The following CLCA1 variants were observed in gnomAD, a reference collection of about 807,000 sequenced individuals.
CLCA1 encodes the protein chloride channel accessory 1.
Under a neutral mutation model 85.6 loss-of-function variants are expected in CLCA1, and 59 were observed. The observed-to-expected ratio is 0.69, with a 90% CI of 0.56 to 0.86. The LOEUF is 0.86. CLCA1 is among the 40% of genes least tolerant of loss of function. CLCA1 has a pLI of 0.00. For missense variants in CLCA1, 1,022 were observed against 1,101.4 expected (o/e 0.93, Z 1.02); for synonymous variants, 396 against 398.3 (o/e 0.99, Z 0.07).
Position 86,495,567 on chromosome 1 carries a change from G to A in CLCA1, c.2005G>A (p.Gly669Ser), listed in dbSNP as rs1348721955. ...SRYFTTYDTNGRYSVKVRALG... is the reference protein window; with the variant it reads ...SRYFTTYDTNSRYSVKVRALG... Reference sequence around the variant, plus strand: ...GTATTTCACAACTTATGACACGAATGGTAGATACAGTGTAAAAGTGCGGGC... The same window carrying A: ...GTATTTCACAACTTATGACACGAATAGTAGATACAGTGTAAAAGTGCGGGC... Residue 669 changes from glycine (G) to serine (S), a missense_variant, in exon 12 of 14, where the codon GGT becomes AGT. Physicochemically the swap from Gly to Ser is moderately conservative, Grantham distance 56. Transcript: ENST00000394711. 1 of 1,613,856 alleles carries A rather than the reference G, an allele frequency of 6.2e-7. No individual in the cohort carries two copies. The highest frequency in any genetic ancestry group is 2.2e-5 in the East Asian group (1 of 44,898).
chr1:86,495,758 G>A, intron 12 of CLCA1, 83 bp downstream of exon 12: 1 of 1,268,088 alleles, frequency 7.9e-7, no homozygotes, highest in Non-Finnish European at 1.1e-6. Context: ...GGGCAGAATG[G>A]TGCATGATTA....
Position 86,499,996 on chromosome 1 carries a change from TAAAAATTATGTGGAA to T in CLCA1, c.2697_2711del (p.Lys900_Lys904del). The T allele has an allele frequency of 6.2e-7, 1 of 1,613,160 alleles. No homozygotes were observed. Among genetic ancestry groups the T allele is most frequent in the Non-Finnish European group, 8.5e-7 (1 of 1,179,142 alleles). On this transcript the variant is annotated inframe_deletion, in exon 14 of 14. Coordinates refer to ENST00000394711, the MANE Select transcript of CLCA1 (RefSeq NM_001285.4). ...AGCACCATTCCTGGCATTCACATTT[TAAAAATTATGTGGAA>T]GTGGATAGGAGAACTGCAGCTGTCA...
intron 8 of CLCA1, 125 bp downstream of exon 8, chr1:86,489,295 C>A: frequency 1.2e-6 from 1 of 841,360 alleles, no homozygotes. Context: ...GCTAACTAGC[C>A]ACCCTTACCC....
intron 6 of CLCA1, 35 bp downstream of exon 6, chr1:86,485,596 G>T: frequency 6.3e-7 from 1 of 1,587,458 alleles, no homozygotes; most frequent in Admixed American, 1.7e-5. Flanking sequence ...CTGGATGCTG[G>T]TCACAGATAT....
chr1:86,492,538 T>C (rs1400654437), intron 9 of CLCA1, among the ~76,000 whole-genome samples: 3 of 152,236 alleles, frequency 2.0e-5, no homozygotes. Flanking sequence ...GCTTGTGATC[T>C]ACCTGTGAAA....
intron 13 of CLCA1, 54 bp from the exon 14 acceptor site, chr1:86,499,600 G>A: frequency 2.5e-6 from 3 of 1,192,498 alleles, no homozygotes; most frequent in Non-Finnish European, 3.5e-6. Flanking sequence ...TACTGCTTAA[G>A]AAGTTTCTTT....
chr1:86,474,145 T>C (rs1461673354), intron 3 of CLCA1, among the ~76,000 whole-genome samples: 1 of 152,246 alleles, frequency 6.6e-6, no homozygotes, highest in African/African-American at 2.4e-5. Context: ...ACTATAACTG[T>C]AAAAGAATTT....
chr1:86,496,751 T>A (rs984572172), intron 12 of CLCA1, among the ~76,000 whole-genome samples: 7 of 152,134 alleles, frequency 4.6e-5, no homozygotes, highest in Non-Finnish European at 1.0e-4. Context: ...ATTTTTTTTT[T>A]AGACAGTCTT....
Position 86,499,759 on chromosome 1 carries a change from A to C in CLCA1, c.2459A>C (p.Asn820Thr), listed in dbSNP as rs771136304. The change falls in exon 14 of 14, where the codon AAC becomes ACC. Residue 820 changes from asparagine to threonine, a missense_variant. By Grantham distance (65) the Asn-to-Thr change is moderately conservative (BLOSUM62 0). Transcript: ENST00000394711. Reference protein sequence around the residue: ...NTTALIPKEANSEEVFLFKPE... With the variant: ...NTTALIPKEATSEEVFLFKPE... ...ACTGCTCTCATCCCAAAGGAAGCCA[A>C]CTCTGAGGAAGTCTTTTTGTTTAAA... 8 of 1,613,678 alleles carry C rather than the reference A, an allele frequency of 5.0e-6. No homozygotes were observed. Among genetic ancestry groups the C allele is most frequent in the Non-Finnish European group, 5.9e-6 (7 of 1,179,614 alleles).
chr1:86,494,830 C>A (rs1464522332), intron 11 of CLCA1, among the ~76,000 whole-genome samples: 1 of 152,074 alleles, frequency 6.6e-6, no homozygotes, highest in Non-Finnish European at 1.5e-5. Context: ...TACATATATA[C>A]AAAGATGTAT....
At chr1:86,479,890 A>T (rs954162174) in intron 4 of CLCA1, among the ~76,000 whole-genome samples, 2 of 152,110 alleles carry the variant, frequency 1.3e-5, no homozygotes, top group Non-Finnish European at 2.9e-5. Context: ...ATCTCAAAAA[A>T]CAAACAAACA....
intron 12 of CLCA1, among the ~76,000 whole-genome samples, chr1:86,496,762 G>C (rs1167408216): frequency 6.6e-6 from 1 of 151,994 alleles, no homozygotes; most frequent in African/African-American, 2.4e-5. Flanking sequence ...AGACAGTCTT[G>C]CTCTGTCACC....
chr1:86,474,325 C>T (rs535522822), intron 3 of CLCA1, among the ~76,000 whole-genome samples: 31 of 152,256 alleles, frequency 2.0e-4, no homozygotes, highest in Non-Finnish European at 3.8e-4. Flanking sequence ...GAGGCCGAGG[C>T]GGGCGGATCA....
At chr1:86,481,042 T>C (rs1192733466) in intron 4 of CLCA1, among the ~76,000 whole-genome samples, 1 of 152,232 alleles carries the variant, frequency 6.6e-6, no homozygotes, top group Non-Finnish European at 1.5e-5. Flanking sequence ...ATTTTAGTAC[T>C]GACAAATTGG....
chr1:86,478,327 T>A (rs769032606), intron 4 of CLCA1, among the ~76,000 whole-genome samples: 1 of 151,976 alleles, frequency 6.6e-6, no homozygotes, highest in Non-Finnish European at 1.5e-5. Flanking sequence ...CTCAGGAGGC[T>A]GAGGCAGGAG....
rs746883303 is a variant in CLCA1 at position 86,473,828 on chromosome 1, A to G, written c.403A>G (p.Thr135Ala). The G allele has an allele frequency of 6.2e-7, 1 of 1,611,566 alleles. No individual in the cohort carries two copies. Among genetic ancestry groups the G allele is most frequent in the Non-Finnish European group, 8.5e-7 (1 of 1,178,448 alleles). Residue 135 changes from threonine (T) to alanine (A), a missense_variant, in exon 3 of 14, where the codon ACT becomes GCT. Coordinates refer to ENST00000394711, the MANE Select transcript of CLCA1 (RefSeq NM_001285.4). ...CGEKGERIHL[T>A]PDFIAGKKLA... ...AGAGAAGGGTGAAAGGATCCACCTC[A>G]CTCCTGATTTCATTGCAGGAAAAAA...
At chr1:86,480,207 T>G (rs2180761) in intron 4 of CLCA1, among the ~76,000 whole-genome samples, 53,099 of 151,932 alleles carry the variant, frequency 0.35, 9,544 homozygotes, top group Middle Eastern at 0.49. Context: ...AATTAAAAAT[T>G]TTGTTGCACA....
chr1:86,474,289 T>G (rs1647583212), intron 3 of CLCA1, among the ~76,000 whole-genome samples: 1 of 152,220 alleles, frequency 6.6e-6, no homozygotes, highest in South Asian at 2.1e-4. Context: ...TATATGAATC[T>G]TGTTAAAATG....
chr1:86,473,876 G>A lies in CLCA1; in HGVS notation c.451G>A (p.Gly151Ser). ...AAAGTTAGCTGAATATGGACCACAA[G>A]GTATGAAATATTCTACCATACTTCT... is the stretch of plus-strand genomic sequence containing the variant. ...GKKLAEYGPQ[G>S]RAFVHEWAHL... The change falls in exon 3 of 14, where the codon GGT becomes AGT. Residue 151 changes from glycine (G) to serine (S), a missense_variant and splice_region_variant. By Grantham distance (56) the Gly-to-Ser change is moderately conservative. Coordinates refer to ENST00000394711, the MANE Select transcript of CLCA1 (RefSeq NM_001285.4). 6.3e-7 allele frequency: 1 copy of A among 1,593,560 alleles called. No homozygotes were observed. Among genetic ancestry groups the A allele is most frequent in the Non-Finnish European group, 8.5e-7 (1 of 1,169,660 alleles).
Sources: allele counts gnomAD v4.1 joint callset (sites outside exome capture counted in the v4.1 genomes callset), GRCh38; gene constraint gnomAD v4.1.1; transcripts MANE v1.5; gene names NCBI Gene and HGNC (gene_info 2026-07-23, HGNC 2026-07-21).